ACOXL: variants seen among roughly 807,000 people sequenced by gnomAD.
ACOXL encodes the protein acyl-coenzyme A oxidase-like protein.
A neutral mutation model predicts 71.9 loss-of-function variants in ACOXL; 70 were observed. The observed-to-expected ratio is 0.97, with a 90% CI of 0.80 to 1.19. The LOEUF (loss-of-function observed/expected upper bound fraction) is 1.19. ACOXL is among the 50% of genes most tolerant of loss of function. The pLI is 0.00. For missense variants in ACOXL, 703 were observed against 736.3 expected (o/e 0.95, Z 0.52); for synonymous variants, 253 against 281.6 (o/e 0.90, Z 1.02).
intron 9 of ACOXL, among the ~76,000 whole-genome samples, chr2:110,812,388 G>T (rs1326287792): frequency 1.3e-5 from 2 of 152,148 alleles, no homozygotes; most frequent in Non-Finnish European, 2.9e-5. Flanking sequence ...ATGGTGGTTT[G>T]TTGTACAGAT....
At chr2:110,769,514 C>T (rs533715531) in intron 2 of ACOXL, among the ~76,000 whole-genome samples, 83 of 151,238 alleles carry the variant, frequency 5.5e-4, no homozygotes, top group African/African-American at 1.9e-3. Context: ...ACTGGCCAGG[C>T]ACAGTGGCTC....
chr2:110,987,041 T>G lies in ACOXL; in HGVS notation c.1060-67T>G. 5 of 1,227,796 alleles carry G rather than the reference T, an allele frequency of 4.1e-6. No individual in the cohort carries two copies. In the South Asian group the frequency reaches 6.5e-5, roughly 16 times the overall value. The allele number at this position is 1,227,796 out of a possible 1,614,324, so 76.1% of individuals were successfully genotyped here. On this transcript the variant is annotated intron_variant, in intron 12 of 17. Transcript: ENST00000439055. ...AAGTGACAAATAGATCTTATTGGGT[T>G]GCAGTATTAAAGATACTGTCATTTT... is the stretch of plus-strand genomic sequence containing the variant.
rs553304795 is a variant in ACOXL, at chr2:111,035,057, G to A, written c.1369+3343G>A. Reference sequence around the variant, plus strand: ...TAATTTTTTGTATTTTAGTAGAGACGGGGTTTCACTGTGTTTGCCAGGGTG... The same window carrying A: ...TAATTTTTTGTATTTTAGTAGAGACAGGGTTTCACTGTGTTTGCCAGGGTG... On this transcript the variant is annotated intron_variant, in intron 15 of 17. Transcript: ENST00000439055. Among the ~76,000 whole-genome samples the A allele has an allele frequency of 1.1e-4, 16 of 152,060 alleles. No individual in the cohort carries two copies. In the South Asian group the frequency reaches 3.3e-3, roughly 32 times the overall value.
At chr2:111,013,329 A>G (rs1303959044) in intron 14 of ACOXL, among the ~76,000 whole-genome samples, 4 of 152,050 alleles carry the variant, frequency 2.6e-5, no homozygotes, top group South Asian at 4.1e-4. Flanking sequence ...GTTTGAGACC[A>G]GCTGACCAAC....
chr2:110,930,621 A>G (rs1227041664), intron 11 of ACOXL, among the ~76,000 whole-genome samples: 3 of 152,156 alleles, frequency 2.0e-5, no homozygotes, highest in Non-Finnish European at 4.4e-5. Flanking sequence ...CTGTGTGCCC[A>G]CCCAAATCTC....
chr2:111,089,516 G>A (rs1170216676), intron 16 of ACOXL, among the ~76,000 whole-genome samples: 1 of 152,148 alleles, frequency 6.6e-6, no homozygotes, highest in African/African-American at 2.4e-5. Flanking sequence ...GACAAAACAT[G>A]TCAGGTGACT....
At chr2:110,908,219 G>A (rs2059528539) in intron 10 of ACOXL, among the ~76,000 whole-genome samples, 2 of 152,224 alleles carry the variant, frequency 1.3e-5, no homozygotes, top group Admixed American at 6.5e-5. Flanking sequence ...ACCTGACATA[G>A]CAGCCTCAGA....
intron 12 of ACOXL, among the ~76,000 whole-genome samples, chr2:110,979,209 A>T (rs1405161995): frequency 6.6e-6 from 1 of 152,200 alleles, no homozygotes; most frequent in Non-Finnish European, 1.5e-5. Context: ...CTTGTAATAA[A>T]TACCCATCTA....
intron 17 of ACOXL, chr2:111,093,472 A>G: frequency 6.2e-7 from 1 of 1,614,086 alleles, no homozygotes; most frequent in Non-Finnish European, 8.5e-7. Flanking sequence ...ATTTCTGATT[A>G]CATCCTTTCT....
intron 14 of ACOXL, among the ~76,000 whole-genome samples, chr2:111,008,664 TA>T (rs2063990038): frequency 6.6e-6 from 1 of 152,214 alleles, no homozygotes; most frequent in South Asian, 2.1e-4. Flanking sequence ...GGCTCAAAGG[TA>T]AGTGCATTTG....
intron 14 of ACOXL, among the ~76,000 whole-genome samples, chr2:111,001,728 C>G (rs1443451115): frequency 1.3e-5 from 2 of 152,188 alleles, no homozygotes; most frequent in African/African-American, 4.8e-5. Flanking sequence ...TAACAGCCTT[C>G]AAAGGGAGAG....
At chr2:111,078,303 C>T (rs771690379) in intron 16 of ACOXL, among the ~76,000 whole-genome samples, 10 of 151,948 alleles carry the variant, frequency 6.6e-5, no homozygotes, top group Non-Finnish European at 1.2e-4. Context: ...CTTACTCTGC[C>T]GCCCAGGCTA....
At chr2:110,880,153 CAAAAAAAAAA>C (rs56852121) in intron 10 of ACOXL, among the ~76,000 whole-genome samples, 24 of 84,726 alleles carry the variant, frequency 2.8e-4, no homozygotes, top group Admixed American at 1.6e-3. Flanking sequence ...CTGTCACAAA[CAAAAAAAAAA>C]AAAAAAAAAG....
At chr2:110,798,955 A>T in intron 6 of ACOXL, 59 bp from the exon 7 acceptor site, 1 of 1,532,060 alleles carries the variant, frequency 6.5e-7, no homozygotes, top group East Asian at 2.3e-5. Context: ...ATACTATTCC[A>T]GGACATGAGT....
intron 1 of ACOXL, among the ~76,000 whole-genome samples, chr2:110,736,723 C>T (rs755304818): frequency 1.6e-4 from 25 of 152,024 alleles, no homozygotes; most frequent in Non-Finnish European, 3.1e-4. Flanking sequence ...GGGCTCACGC[C>T]ATTCTCCTGC....
At chr2:110,813,090 T>C (rs542994108) in intron 9 of ACOXL, among the ~76,000 whole-genome samples, 29 of 152,292 alleles carry the variant, frequency 1.9e-4, no homozygotes, top group African/African-American at 6.7e-4. Context: ...CATCCAGCCC[T>C]TCCCCAATGA....
At chr2:111,110,032 C>T (rs2069837119) in intron 17 of ACOXL, among the ~76,000 whole-genome samples, 1 of 152,060 alleles carries the variant, frequency 6.6e-6, no homozygotes, top group African/African-American at 2.4e-5. Flanking sequence ...AATCTTTGTC[C>T]ATTAATTCCG....
chr2:111,059,994 G>A (rs1000265545), intron 16 of ACOXL, among the ~76,000 whole-genome samples: 2 of 152,112 alleles, frequency 1.3e-5, no homozygotes, highest in African/African-American at 4.8e-5. Context: ...AGGCAGCACA[G>A]AAAAATATGT....
chr2:110,826,107 A>G (rs1689133385), intron 9 of ACOXL, among the ~76,000 whole-genome samples: 1 of 152,224 alleles, frequency 6.6e-6, no homozygotes, highest in Non-Finnish European at 1.5e-5. Flanking sequence ...ATTTTCTATC[A>G]GCAAATAATA....
Sources: gnomAD v4.1 joint callset for allele counts (sites outside exome capture counted in the v4.1 genomes callset) on GRCh38, gnomAD v4.1.1 for gene constraint, MANE v1.5 for transcripts, NCBI Gene and HGNC (gene_info 2026-07-23, HGNC 2026-07-21) for gene names.